The following UBE2D3 variants were observed in gnomAD, a reference collection of about 807,000 sequenced individuals.
UBE2D3 encodes ubiquitin-conjugating enzyme E2 D3.
A neutral mutation model predicts 22.8 loss-of-function variants in UBE2D3; 2 were observed. The ratio of observed to expected loss-of-function variants is 0.09; its 90% CI spans 0.04 to 0.28. UBE2D3 has a LOEUF of 0.28. Among genes scored for constraint, UBE2D3 ranks in the 10% least tolerant of loss-of-function variants. The pLI, the probability that UBE2D3 is intolerant of heterozygous loss-of-function variation, is 1.00. For synonymous variants in UBE2D3, 56 were observed against 60.4 expected, an observed-to-expected ratio of 0.93 and a Z score of 0.34; for missense variants, 27 against 182.5, an observed-to-expected ratio of 0.15 and a Z score of 4.91.
intron 1 of UBE2D3, among the ~76,000 whole-genome samples, chr4:102,853,312 A>G (rs1397065894): frequency 6.6e-6 from 1 of 151,774 alleles, no homozygotes; most frequent in Non-Finnish European, 1.5e-5. Context: ...ACACATCTTT[A>G]ACTTAGCAAT....
rs1725118141 is a variant in UBE2D3, at chr4:102,794,913, C to CAA, written c.*2501_*2502insTT. ...TTAAAAGATTTAGGAAATACAAAGACATAGTCAAAACTGATTCTAATACTC... is the reference window on the plus strand; with the variant it reads ...TTAAAAGATTTAGGAAATACAAAGACAAATAGTCAAAACTGATTCTAATACTC... On this transcript the variant is annotated 3_prime_UTR_variant, in exon 8 of 8. Coordinates refer to ENST00000453744, the MANE Select transcript of UBE2D3 (RefSeq NM_181891.3). 1.3e-5 allele frequency: 2 copies of CAA among 152,076 alleles called. No individual in the cohort carries two copies. The highest frequency in any genetic ancestry group is 2.9e-5 in the Non-Finnish European group (2 of 67,954). 9.4% of individuals were successfully genotyped at this position (152,076 alleles called of 1,614,324 possible).
chr4:102,867,793 T>TAAC (rs376973780), intron 1 of UBE2D3, among the ~76,000 whole-genome samples: 487 of 152,186 alleles, frequency 3.2e-3, no homozygotes, highest in African/African-American at 6.9e-3. Flanking sequence ...CGAAACCTTG[T>TAAC]AACAACAACA....
intron 2 of UBE2D3, among the ~76,000 whole-genome samples, chr4:102,825,056 AAG>A (rs1198280549): frequency 1.3e-5 from 2 of 152,254 alleles, no homozygotes; most frequent in Non-Finnish European, 2.9e-5. Flanking sequence ...AATACATACT[AAG>A]AGTGAAGATT....
chr4:102,841,080 A>G (rs1186237178), intron 1 of UBE2D3, among the ~76,000 whole-genome samples: 1 of 152,122 alleles, frequency 6.6e-6, no homozygotes, highest in African/African-American at 2.4e-5. Flanking sequence ...CCTAACAAAT[A>G]ATCTTTAAAC....
chr4:102,867,018 A>C (rs1464482622), intron 1 of UBE2D3, among the ~76,000 whole-genome samples: 1 of 152,258 alleles, frequency 6.6e-6, no homozygotes, highest in Non-Finnish European at 1.5e-5. Context: ...AAATCCCATC[A>C]ACCTTTTAAA....
At chr4:102,867,653 G>C (rs1017001583) in intron 1 of UBE2D3, among the ~76,000 whole-genome samples, 1 of 152,152 alleles carries the variant, frequency 6.6e-6, no homozygotes, top group Non-Finnish European at 1.5e-5. Flanking sequence ...TTTAAAATTC[G>C]TTGGGTGTGG....
At chr4:102,797,809 A>G (rs1007335096) in intron 7 of UBE2D3, among the ~76,000 whole-genome samples, 3 of 152,086 alleles carry the variant, frequency 2.0e-5, no homozygotes, top group African/African-American at 4.8e-5. Flanking sequence ...AAATGTTAAA[A>G]TAGTATACAC....
intron 1 of UBE2D3, among the ~76,000 whole-genome samples, chr4:102,857,316 A>G (rs1349119762): frequency 1.3e-5 from 2 of 152,228 alleles, no homozygotes. Context: ...GACTGTTGCT[A>G]TGGCCCAAAC....
At chr4:102,865,658 C>A (rs544670070) in intron 1 of UBE2D3, among the ~76,000 whole-genome samples, 3 of 152,156 alleles carry the variant, frequency 2.0e-5, no homozygotes, top group African/African-American at 7.2e-5. Context: ...GACTAGTAGG[C>A]ATTTGGAATT....
intron 1 of UBE2D3, among the ~76,000 whole-genome samples, chr4:102,844,756 C>T (rs1731950657): frequency 6.6e-6 from 1 of 151,950 alleles, no homozygotes; most frequent in Non-Finnish European, 1.5e-5. Flanking sequence ...GGCGGTGGGT[C>T]ACGCCTGTAA....
chr4:102,794,852 T>C lies in UBE2D3; in HGVS notation c.*2563A>G, dbSNP rs1444272827. ...AGTCATTTAAAATGTAAATTTACCA[T>C]TAACAGGCCAACTGGACCCTAATTC... On this transcript the variant is annotated 3_prime_UTR_variant, in exon 8 of 8. Coordinates refer to ENST00000453744, the MANE Select transcript of UBE2D3 (RefSeq NM_181891.3). 6.6e-6 allele frequency: 1 copy of C among 152,034 alleles called. No individual in the cohort carries two copies. The highest frequency in any genetic ancestry group is 1.9e-4 in the East Asian group (1 of 5,198). 9.4% of individuals were successfully genotyped at this position (152,034 alleles called of 1,614,324 possible).
chr4:102,836,779 T>C (rs186899507), intron 1 of UBE2D3, among the ~76,000 whole-genome samples: 1 of 152,356 alleles, frequency 6.6e-6, no homozygotes, highest in Admixed American at 6.5e-5. Context: ...ATATTGGCAT[T>C]TTTTCATGTG....
At chr4:102,841,819 CTA>C (rs1731770317) in intron 1 of UBE2D3, among the ~76,000 whole-genome samples, 3 of 152,172 alleles carry the variant, frequency 2.0e-5, no homozygotes, top group Admixed American at 1.3e-4. Context: ...TTTCATTACA[CTA>C]TGATGCCTCT....
chr4:102,808,054 TTATAGCATTC>T (rs1417128157), intron 4 of UBE2D3, among the ~76,000 whole-genome samples: 3 of 152,220 alleles, frequency 2.0e-5, no homozygotes, highest in Non-Finnish European at 4.4e-5. Context: ...TTAAGGCATT[TTATAGCATTC>T]TTTGAAAACT....
chr4:102,837,122 CT>C (rs1731453791), intron 1 of UBE2D3: 1 of 152,164 alleles, frequency 6.6e-6, no homozygotes, highest in Admixed American at 6.5e-5. Context: ...AAATTATTAG[CT>C]AGCAGAACCA....
At chr4:102,827,068 G>A (rs537138605) in intron 1 of UBE2D3, 5 of 989,720 alleles carry the variant, frequency 5.1e-6, no homozygotes, top group African/African-American at 1.7e-5. Context: ...GAAAAGGAAG[G>A]AAATAAAGGA....
intron 4 of UBE2D3, among the ~76,000 whole-genome samples, chr4:102,804,245 G>A (rs1448163192): frequency 6.6e-6 from 1 of 151,984 alleles, no homozygotes; most frequent in Non-Finnish European, 1.5e-5. Flanking sequence ...CACTGCAAGC[G>A]CCGCCTCCCC....
intron 2 of UBE2D3, among the ~76,000 whole-genome samples, chr4:102,819,262 G>A (rs1417601590): frequency 5.3e-5 from 8 of 151,586 alleles, no homozygotes; most frequent in African/African-American, 7.3e-5. Context: ...CCCAGGAGAC[G>A]GTGGTTGCAG....
intron 1 of UBE2D3, among the ~76,000 whole-genome samples, chr4:102,849,978 A>G (rs1732258491): frequency 6.6e-6 from 1 of 152,232 alleles, no homozygotes. Flanking sequence ...TTGCATGTGA[A>G]GAGACATACA....
Sources: gnomAD v4.1 joint callset for allele counts (sites outside exome capture counted in the v4.1 genomes callset) on GRCh38, gnomAD v4.1.1 for gene constraint, MANE v1.5 for transcripts, NCBI Gene and HGNC (gene_info 2026-07-23, HGNC 2026-07-21) for gene names.